Variants in HYCC2 observed in about 807,000 individuals in gnomAD.
The protein encoded by HYCC2 is hyccin PI4KA lipid kinase complex subunit 2.
the HYCC2 span, among the ~76,000 whole-genome samples, chr2:201,044,337 C>T: frequency 5.3e-5 from 8 of 152,334 alleles, no homozygotes; most frequent in South Asian, 1.7e-3. Context: ...ATCCTCCCGC[C>T]TTGGGATTAG....
chr2:201,055,734 G>C, the HYCC2 span, among the ~76,000 whole-genome samples: 1 of 151,986 alleles, frequency 6.6e-6, no homozygotes, highest in Non-Finnish European at 1.5e-5. Context: ...TGAAGGACAA[G>C]TTATCATAGC....
At chr2:201,033,371 A>ATTTAT in the HYCC2 span, among the ~76,000 whole-genome samples, 11,809 of 144,098 alleles carry the variant, frequency 0.082, 599 homozygotes, top group Middle Eastern at 0.11. Flanking sequence ...TGCTTGGCTA[A>ATTTAT]TTTATTTTAT....
chr2:201,070,107 A>G, the HYCC2 span, among the ~76,000 whole-genome samples: 15 of 152,314 alleles, frequency 9.8e-5, no homozygotes, highest in South Asian at 2.1e-4. Context: ...TTGTTTTTCA[A>G]TGACCTACAA....
the HYCC2 span, among the ~76,000 whole-genome samples, chr2:201,005,233 G>A: frequency 2.0e-5 from 3 of 152,116 alleles, no homozygotes. Context: ...AACCTGAGCG[G>A]GGCCAAGGGA....
the HYCC2 span, among the ~76,000 whole-genome samples, chr2:201,056,645 G>T: frequency 1.4e-5 from 2 of 146,226 alleles, no homozygotes; most frequent in Admixed American, 7.0e-5. Flanking sequence ...TTGCACTCCA[G>T]CCTGGGTAAC....
the HYCC2 span, among the ~76,000 whole-genome samples, chr2:201,070,444 G>C: frequency 6.6e-6 from 1 of 151,968 alleles, no homozygotes; most frequent in African/African-American, 2.4e-5. Context: ...TCTGACGTCC[G>C]GAGTTCGAGA....
chr2:201,005,602 T>G, the HYCC2 span, among the ~76,000 whole-genome samples: 7 of 152,232 alleles, frequency 4.6e-5, no homozygotes, highest in African/African-American at 1.7e-4. Context: ...ACAGAGAATG[T>G]ATATTTATCG....
chr2:201,028,588 A>G, the HYCC2 span, among the ~76,000 whole-genome samples: 1 of 152,278 alleles, frequency 6.6e-6, no homozygotes, highest in East Asian at 1.9e-4. Context: ...AGTAACCAAA[A>G]CAGCATGGTA....
At chr2:200,987,534 T>A in the HYCC2 span, 1 of 1,289,604 alleles carries the variant, frequency 7.8e-7, no homozygotes, top group Non-Finnish European at 1.0e-6. Flanking sequence ...CAAAGCCATC[T>A]GGGATTCAAC....
At chr2:201,011,187 G>A in the HYCC2 span, among the ~76,000 whole-genome samples, 35 of 151,724 alleles carry the variant, frequency 2.3e-4, no homozygotes, top group African/African-American at 8.5e-4. Flanking sequence ...ACTGATAGAA[G>A]AATAAAAAAA....
the HYCC2 span, chr2:200,981,664 C>T: frequency 1.2e-5 from 19 of 1,614,142 alleles, no homozygotes; most frequent in South Asian, 2.2e-5. This position sits in a 1 kb window ranked among gnomAD's most constrained non-coding sequence, Gnocchi z 4.5. Context: ...TACTGAATCT[C>T]GAGGGCTCTC....
the HYCC2 span, chr2:201,022,109 C>T: frequency 7.8e-7 from 1 of 1,289,438 alleles, no homozygotes; most frequent in Non-Finnish European, 1.0e-6. Context: ...CTCTTGGAGG[C>T]TGTATCTGGG....
chr2:201,023,946 C>T, the HYCC2 span: 107 of 1,602,598 alleles, frequency 6.7e-5, no homozygotes, highest in East Asian at 2.3e-3. Flanking sequence ...TTCTGATCTC[C>T]AATCCAATTT....
chr2:201,034,602 T>C, the HYCC2 span, among the ~76,000 whole-genome samples: 2 of 152,222 alleles, frequency 1.3e-5, no homozygotes, highest in African/African-American at 4.8e-5. Context: ...TTTAGCCCAT[T>C]TACATTTAAG....
the HYCC2 span, chr2:201,063,023 C>G: frequency 6.3e-7 from 1 of 1,575,528 alleles, no homozygotes; most frequent in Non-Finnish European, 8.7e-7. Context: ...TAATAAAAAT[C>G]TTCTCCTTTC....
the HYCC2 span, chr2:200,988,394 G>A: frequency 1.9e-6 from 3 of 1,612,546 alleles, no homozygotes; most frequent in Admixed American, 1.7e-5. Flanking sequence ...GCATCAAATG[G>A]TAATGAGTTT....
chr2:201,042,872 C>T, the HYCC2 span, among the ~76,000 whole-genome samples: 5 of 151,338 alleles, frequency 3.3e-5, no homozygotes, highest in Non-Finnish European at 7.4e-5. Flanking sequence ...CCCCTCTGCC[C>T]GGCCGCCCCG....
the HYCC2 span, among the ~76,000 whole-genome samples, chr2:201,028,302 G>A: frequency 2.0e-5 from 3 of 152,076 alleles, no homozygotes; most frequent in East Asian, 5.8e-4. Flanking sequence ...ACTGCTCAAT[G>A]AAATAAAAGA....
At chr2:201,004,581 T>C in the HYCC2 span, among the ~76,000 whole-genome samples, 1 of 152,224 alleles carries the variant, frequency 6.6e-6, no homozygotes, top group African/African-American at 2.4e-5. Flanking sequence ...AAATGGGTCC[T>C]GACAGGAACA....
Sources: allele counts gnomAD v4.1 joint callset (sites outside exome capture counted in the v4.1 genomes callset), GRCh38; gene constraint gnomAD v4.1.1; non-coding constraint Gnocchi (gnomAD v3.1); transcripts MANE v1.5; gene names NCBI Gene and HGNC (gene_info 2026-07-23, HGNC 2026-07-21).